The following PROX1 variants were observed in gnomAD, a reference collection of about 807,000 sequenced individuals.
The protein encoded by PROX1 is prospero homeobox 1.
A neutral mutation model predicts 58.8 loss-of-function variants in PROX1; 7 were observed. That is an observed-to-expected ratio of 0.12 (90% CI 0.07 to 0.22). PROX1 has a LOEUF of 0.22. PROX1 is among the 10% of genes least tolerant of loss of function. PROX1 has a pLI of 1.00. For synonymous variants in PROX1, 350 were observed against 358.3 expected (o/e 0.98, Z 0.26); for missense variants, 675 against 927.8 (o/e 0.73, Z 3.54).
At chr1:214,005,685 CT>C (rs996014148) in intron 3 of PROX1, among the ~76,000 whole-genome samples, 3 of 152,198 alleles carry the variant, frequency 2.0e-5, no homozygotes, top group Non-Finnish European at 4.4e-5. Flanking sequence ...TCTAGCACCT[CT>C]TTTTCCCCCT....
At position 213,997,534 on chromosome 1, in the gene PROX1, A is replaced by G. The variant is rs771366999; in HGVS notation, c.999A>G (p.Glu333=). The G allele has an allele frequency of 3.7e-6, 6 of 1,614,040 alleles. No individual in the cohort carries two copies. In the South Asian group the frequency reaches 6.6e-5, roughly 18 times the overall value. ...CGAAGCGAGAAGGCAACAACAAAGA[A>G]AGAGACCATGGGCCAAACTCCTTAC... ...NKPKREGNNK[E]RDHGPNSLQP... The change falls in exon 2 of 5, where the codon GAA becomes GAG. Residue 333 remains glutamate, a synonymous_variant. Coordinates refer to ENST00000366958, the MANE Select transcript of PROX1 (RefSeq NM_001270616.2). The surrounding 1 kb of genome is among the most constrained non-coding windows in gnomAD (Gnocchi z 7.1).
intron 1 of PROX1, chr1:213,989,656 G>C (rs916774133): frequency 3.9e-5 from 6 of 152,528 alleles, no homozygotes; most frequent in African/African-American, 1.2e-4. Flanking sequence ...CGCAGTGGGC[G>C]GGGGGAGACA....
At chr1:213,994,196 C>G (rs918364727) in intron 1 of PROX1, among the ~76,000 whole-genome samples, 2 of 152,118 alleles carry the variant, frequency 1.3e-5, no homozygotes, top group African/African-American at 2.4e-5. Context: ...AGCTGCTCTT[C>G]CCACAGCAAG....
At chr1:214,032,969 G>C (rs1452914528) in intron 4 of PROX1, among the ~76,000 whole-genome samples, 1 of 152,162 alleles carries the variant, frequency 6.6e-6, no homozygotes, top group African/African-American at 2.4e-5. Context: ...CCCCAAAGAA[G>C]TTGCCTTGTT....
chr1:214,004,266 C>G (rs115713601), intron 2 of PROX1, among the ~76,000 whole-genome samples: 2,107 of 152,286 alleles, frequency 0.014, 57 homozygotes, highest in African/African-American at 0.049. Flanking sequence ...AATCAGGAAG[C>G]CTGGATTGTT....
upstream of PROX1, chr1:213,987,570 A>C (rs1662856478): frequency 6.7e-6 from 1 of 150,004 alleles, no homozygotes; most frequent in African/African-American, 2.4e-5. Context: ...AGAAAAAAAA[A>C]AAAAAAGACC....
upstream of PROX1, chr1:213,985,475 C>G (rs182427392): frequency 1.3e-5 from 2 of 152,344 alleles, no homozygotes; most frequent in African/African-American, 4.8e-5. Flanking sequence ...GCTCGCCTAG[C>G]GTGGCGCGCG....
At chr1:213,993,503 T>C (rs1489788031) in intron 1 of PROX1, among the ~76,000 whole-genome samples, 2 of 152,220 alleles carry the variant, frequency 1.3e-5, no homozygotes, top group African/African-American at 2.4e-5. Context: ...GGAAATGTTT[T>C]TAAGAGATTT....
chr1:214,013,619 C>T (rs1232151538), intron 4 of PROX1, among the ~76,000 whole-genome samples: 3 of 152,156 alleles, frequency 2.0e-5, no homozygotes, highest in African/African-American at 7.2e-5. Flanking sequence ...ATCCGCTACC[C>T]ACAGGCCAGG....
intron 4 of PROX1, among the ~76,000 whole-genome samples, chr1:214,031,935 C>CAGT (rs953287093): frequency 2.6e-5 from 4 of 152,146 alleles, no homozygotes; most frequent in African/African-American, 9.7e-5. Flanking sequence ...TGAGTTGCTC[C>CAGT]AGTAGTTCAG....
At chr1:213,998,527 GT>G (rs202035987) in intron 2 of PROX1, among the ~76,000 whole-genome samples, 23 of 151,788 alleles carry the variant, frequency 1.5e-4, no homozygotes, top group African/African-American at 5.1e-4. Context: ...TCTCAGCAGT[GT>G]TTTTTTTCTG....
At position 214,040,828 on chromosome 1, in the gene PROX1, T is replaced by C. The variant is rs570253028; in HGVS notation, c.*4994T>C. Reference sequence around the variant, plus strand: ...TTGTTGTCTATTGTTCTGAAGACTTTGCATAATTTATTGGTTTAATTTATC... The same window carrying C: ...TTGTTGTCTATTGTTCTGAAGACTTCGCATAATTTATTGGTTTAATTTATC... On this transcript the variant is annotated 3_prime_UTR_variant, in exon 5 of 5. Coordinates refer to ENST00000366958, the MANE Select transcript of PROX1 (RefSeq NM_001270616.2). The C allele has an allele frequency of 6.6e-6, 1 of 152,272 alleles. No homozygotes were observed. Among genetic ancestry groups the C allele is most frequent in the African/African-American group, 2.4e-5 (1 of 41,568 alleles). The allele number at this position is 152,272 out of a possible 1,614,324, so 9.4% of individuals were successfully genotyped here. A position where few individuals can be genotyped will look rare whatever the true frequency, so the allele number is the denominator to read the frequency against.
At chr1:214,008,424 AAC>A (rs1491165826) in intron 3 of PROX1, among the ~76,000 whole-genome samples, 6 of 86,016 alleles carry the variant, frequency 7.0e-5, no homozygotes, top group Admixed American at 1.3e-4. Flanking sequence ...CAACAACAAC[AAC>A]AAAAAAAACC....
At chr1:213,992,813 T>C (rs1315445326) in intron 1 of PROX1, among the ~76,000 whole-genome samples, 2 of 152,166 alleles carry the variant, frequency 1.3e-5, no homozygotes, top group African/African-American at 4.8e-5. Flanking sequence ...TGAATCCTCC[T>C]CCCCGAAATA....
At chr1:214,016,593 G>A (rs778752135) in intron 4 of PROX1, among the ~76,000 whole-genome samples, 21 of 152,162 alleles carry the variant, frequency 1.4e-4, no homozygotes, top group Admixed American at 2.6e-4. Flanking sequence ...CAGTCCCACC[G>A]TTGACAAGCC....
chr1:213,990,998 T>C (rs1006676996), intron 1 of PROX1, among the ~76,000 whole-genome samples: 3 of 152,230 alleles, frequency 2.0e-5, no homozygotes, highest in Non-Finnish European at 4.4e-5. Flanking sequence ...TCTATTCTGA[T>C]GCAAGATGTG....
At chr1:214,022,769 A>G (rs1409122168) in intron 4 of PROX1, among the ~76,000 whole-genome samples, 6 of 152,016 alleles carry the variant, frequency 3.9e-5, no homozygotes, top group Non-Finnish European at 8.8e-5. Flanking sequence ...AAATTTTGTG[A>G]CTCTAGAGTA....
Position 213,997,903 on chromosome 1 carries a change from C to G in PROX1, c.1368C>G (p.Ala456=). ...NSSDQSASGP[A]AGGHHQPLHQ... ...CTGACCAGTCTGCCTCCGGCCCTGCCGCTGGCGGCCACCACCAGCCCCTGC... is the reference window on the plus strand; with the variant it reads ...CTGACCAGTCTGCCTCCGGCCCTGCGGCTGGCGGCCACCACCAGCCCCTGC... The change falls in exon 2 of 5, where the codon GCC becomes GCG. Residue 456 remains alanine, a synonymous_variant. Transcript: ENST00000366958. This position sits in a 1 kb window ranked among gnomAD's most constrained non-coding sequence, Gnocchi z 7.1. 1.2e-6 allele frequency: 2 copies of G among 1,612,494 alleles called. No individual in the cohort carries two copies. Among genetic ancestry groups the G allele is most frequent in the Non-Finnish European group, 1.7e-6 (2 of 1,179,076 alleles).
At chr1:214,029,311 A>T (rs533125506) in intron 4 of PROX1, 4 of 152,200 alleles carry the variant, frequency 2.6e-5, no homozygotes, top group Admixed American at 2.6e-4. Flanking sequence ...CTCGCTATGT[A>T]TGATTGGTAC....
Sources: allele counts gnomAD v4.1 joint callset (sites outside exome capture counted in the v4.1 genomes callset), GRCh38; gene constraint gnomAD v4.1.1; non-coding constraint Gnocchi (gnomAD v3.1); transcripts MANE v1.5; gene names NCBI Gene and HGNC (gene_info 2026-07-23, HGNC 2026-07-21).